Variants in PNLIPRP3 observed in about 807,000 individuals in gnomAD.
The protein encoded by PNLIPRP3 is pancreatic lipase-related protein 3.
In PNLIPRP3, 58 loss-of-function variants were observed where a neutral mutation model predicts 52.8. That is an observed-to-expected ratio of 1.10 (90% CI 0.89 to 1.37). PNLIPRP3 has a LOEUF of 1.37. Among genes scored for constraint, PNLIPRP3 ranks in the 40% most tolerant of loss-of-function variants. The pLI is 0.00. For missense variants in PNLIPRP3, 593 were observed against 561.6 expected, an observed-to-expected ratio of 1.06 and a Z score of -0.57; for synonymous variants, 192 against 185.0, an observed-to-expected ratio of 1.04 and a Z score of -0.31.
At chr10:116,440,125 C>T (rs1447482947) in intron 2 of PNLIPRP3, 4 of 628,890 alleles carry the variant, frequency 6.4e-6, no homozygotes, top group Non-Finnish European at 1.1e-5. Flanking sequence ...TTTGGGGGCA[C>T]CTTCTCTGCC....
chr10:116,441,285 G>C (rs559924596), intron 2 of PNLIPRP3, among the ~76,000 whole-genome samples: 1 of 152,312 alleles, frequency 6.6e-6, no homozygotes, highest in South Asian at 2.1e-4. Flanking sequence ...AGGGAGACAT[G>C]TGCAATGTAT....
intron 8 of PNLIPRP3, among the ~76,000 whole-genome samples, chr10:116,468,681 A>T (rs1846319024): frequency 2.0e-5 from 3 of 152,204 alleles, no homozygotes; most frequent in African/African-American, 7.2e-5. Flanking sequence ...TGCAGAGCAA[A>T]TTTTTAAAAA....
intron 4 of PNLIPRP3, among the ~76,000 whole-genome samples, chr10:116,449,002 C>G (rs1845996439): frequency 7.9e-6 from 1 of 126,652 alleles, no homozygotes; most frequent in East Asian, 2.2e-4. Flanking sequence ...GGCAATAGAG[C>G]AAGACTCCAT....
chr10:116,448,038 GAAAGAGAA>G (rs1476458914), intron 4 of PNLIPRP3, among the ~76,000 whole-genome samples: 10 of 149,004 alleles, frequency 6.7e-5, no homozygotes, highest in Admixed American at 2.7e-4. Flanking sequence ...AAGAAAGAAA[GAAAGAGAA>G]AGAAAGAAAG....
chr10:116,471,926 G>A (rs1419832975), intron 10 of PNLIPRP3, 47 bp downstream of exon 10: 1 of 1,182,760 alleles, frequency 8.5e-7, no homozygotes, highest in Non-Finnish European at 1.2e-6. Flanking sequence ...TGGGGGCTCA[G>A]TAACACTAAG....
Position 116,443,121 on chromosome 10 carries a change from ATC to A in PNLIPRP3, c.272_273del (p.Ile91LysfsTer29), listed in dbSNP as rs1247240714. On this transcript the variant is annotated frameshift_variant, in exon 3 of 12. Coordinates refer to ENST00000369230, the MANE Select transcript of PNLIPRP3 (RefSeq NM_001011709.3). LOFTEE classifies it high-confidence loss of function. The stretch of plus-strand genomic sequence containing the variant: ...TTTTGGAACAGACAAGATCACCCGT[ATC>A]AACATAGCTGGATGGAAAACAGATG... Reference protein sequence around the residue: ...SYFGTDKITRINIAGWKTDGK... With the variant: ...SYFGTDKITRXNIAGWKTDGK... 2 of 1,612,018 alleles carry A rather than the reference ATC, an allele frequency of 1.2e-6. No homozygotes were observed. Among genetic ancestry groups the A allele is most frequent in the East Asian group, 2.2e-5 (1 of 44,796 alleles).
chr10:116,464,723 T>C (rs971674971), intron 7 of PNLIPRP3, among the ~76,000 whole-genome samples: 2 of 152,232 alleles, frequency 1.3e-5, no homozygotes. Context: ...ATACAGCATG[T>C]TACAGCTGTG....
intron 4 of PNLIPRP3, among the ~76,000 whole-genome samples, chr10:116,449,036 A>T (rs957242525): frequency 7.0e-5 from 7 of 99,414 alleles, no homozygotes; most frequent in African/African-American, 2.1e-4. Context: ...AAAAAAAAAA[A>T]TTTCTAATTA....
chr10:116,439,653 A>G (rs775902687), intron 2 of PNLIPRP3: 20 of 764,016 alleles, frequency 2.6e-5, no homozygotes, highest in Non-Finnish European at 4.8e-5. Flanking sequence ...CATTTAAGTT[A>G]TTCCACATCT....
At chr10:116,440,921 G>A (rs1306302066) in intron 2 of PNLIPRP3, among the ~76,000 whole-genome samples, 1 of 152,134 alleles carries the variant, frequency 6.6e-6, no homozygotes, top group African/African-American at 2.4e-5. Flanking sequence ...TCATCAGAAT[G>A]GATTGATCTC....
In PNLIPRP3 at chr10:116,439,571, A is replaced by G. The variant is rs146506647; in HGVS notation, c.204+2706A>G. On this transcript the variant is annotated intron_variant, in intron 2 of 11. Transcript: ENST00000369230. ...CGCCATCAAACTTTACTTTCGACTT[A>G]TAGTCAGCAACATCCTTCTCATACT... is the stretch of plus-strand genomic sequence containing the variant. 1.7e-4 allele frequency: 145 copies of G among 843,516 alleles called. 1 individual carries two copies. In the East Asian group the frequency reaches 3.4e-3, roughly 20 times the overall value. 52.3% of individuals were successfully genotyped at this position (843,516 alleles called of 1,614,324 possible).
chr10:116,436,749 G>T lies in PNLIPRP3; in HGVS notation c.88G>T (p.Asp30Tyr), dbSNP rs1845780107. 6.2e-7 allele frequency: 1 copy of T among 1,613,082 alleles called. No individual in the cohort carries two copies. The highest frequency in any genetic ancestry group is 8.5e-7 in the Non-Finnish European group (1 of 1,179,594). The change falls in exon 2 of 12, where the codon GAT becomes TAT. Residue 30 changes from aspartate (D) to tyrosine (Y), a missense_variant. Coordinates refer to ENST00000369230, the MANE Select transcript of PNLIPRP3 (RefSeq NM_001011709.3). The part of the protein sequence containing the change: ...VCYERLGCFK[D>Y]GLPWTRTFST... ...CTATGAAAGGTTAGGGTGTTTCAAA[G>T]ATGGTTTACCATGGACCAGGACTTT...
In PNLIPRP3 at chr10:116,474,139, C is replaced by A. The variant is rs536280775; in HGVS notation, c.1172+2260C>A. On this transcript the variant is annotated intron_variant, in intron 10 of 11. Transcript: ENST00000369230. ...GAGAATAGAGAATCCAGAAATAAGG[C>A]CGCATACCTATAGCTATCTGATCTC... 5.0e-3 allele frequency among the ~76,000 whole-genome samples: 760 copies of A among 152,096 alleles called. 6 individuals are homozygous for A. The highest frequency in any genetic ancestry group is 0.018 in the African/African-American group (736 of 41,500).
chr10:116,437,308 A>G (rs1489105751), intron 2 of PNLIPRP3, among the ~76,000 whole-genome samples: 1 of 152,182 alleles, frequency 6.6e-6, no homozygotes, highest in African/African-American at 2.4e-5. Context: ...GACTCTGGGA[A>G]CAAAGTGAAG....
rs766763072 is a variant in PNLIPRP3 at position 116,466,071 on chromosome 10, G to A, written c.830G>A (p.Cys277Tyr). The A allele has an allele frequency of 1.9e-6, 3 of 1,613,450 alleles. No homozygotes were observed. The highest frequency in any genetic ancestry group is 2.5e-6 in the Non-Finnish European group (3 of 1,179,668). The stretch of plus-strand genomic sequence containing the variant: ...ACAGAAATGGCTTCCTTCTTTGACT[G>A]TAACCATGCCCGAAGTTATCAATTT... The part of the protein sequence containing the change: ...YKKEMASFFD[C>Y]NHARSYQFYA... The change falls in exon 8 of 12, where the codon TGT (cysteine) becomes TAT (tyrosine). Residue 277 changes from cysteine to tyrosine, a missense_variant. Physicochemically the swap from Cys to Tyr is radical, Grantham distance 194 (BLOSUM62 -2). Coordinates refer to ENST00000369230, the MANE Select transcript of PNLIPRP3 (RefSeq NM_001011709.3).
At chr10:116,468,823 C>A (rs139798321) in intron 8 of PNLIPRP3, among the ~76,000 whole-genome samples, 1 of 152,186 alleles carries the variant, frequency 6.6e-6, no homozygotes, top group African/African-American at 2.4e-5. Flanking sequence ...TTCAGTGTTG[C>A]CAATTGCTTT....
At position 116,441,991 on chromosome 10, in the gene PNLIPRP3, T is replaced by C. The variant is rs1404462910; in HGVS notation, c.205-1064T>C. Among the ~76,000 whole-genome samples the C allele has an allele frequency of 2.6e-5, 4 of 152,152 alleles. No homozygotes were observed. In the East Asian group the frequency reaches 7.7e-4, roughly 29 times the overall value. Reference sequence around the variant, plus strand: ...GGAGACACTTTACCTAGCCAGCAAATTGTATGATTAATTGCATTACTATTA... The same window carrying C: ...GGAGACACTTTACCTAGCCAGCAAACTGTATGATTAATTGCATTACTATTA... On this transcript the variant is annotated intron_variant, in intron 2 of 11. Coordinates refer to ENST00000369230, the MANE Select transcript of PNLIPRP3 (RefSeq NM_001011709.3).
chr10:116,472,213 AT>A (rs1241895405), intron 10 of PNLIPRP3, among the ~76,000 whole-genome samples: 1 of 152,194 alleles, frequency 6.6e-6, no homozygotes, highest in Admixed American at 6.5e-5. Context: ...ATAAGCATAT[AT>A]TTTTATTTGT....
At chr10:116,457,833 C>A (rs1846136947) in intron 5 of PNLIPRP3, among the ~76,000 whole-genome samples, 1 of 152,150 alleles carries the variant, frequency 6.6e-6, no homozygotes, top group Non-Finnish European at 1.5e-5. Context: ...TACTATTTAA[C>A]TCTAGTTTTT....
Sources: allele counts gnomAD v4.1 joint callset (sites outside exome capture counted in the v4.1 genomes callset), GRCh38; gene constraint gnomAD v4.1.1; transcripts MANE v1.5; gene names NCBI Gene and HGNC (gene_info 2026-07-23, HGNC 2026-07-21).